Variants in AGXT observed in about 807,000 individuals in gnomAD.
The protein encoded by AGXT is L-alanine: glyoxylate aminotransferase 1.
A neutral mutation model predicts 46.9 loss-of-function variants in AGXT; 41 were observed. That is an observed-to-expected ratio of 0.88 (90% CI 0.68 to 1.14). The LOEUF (loss-of-function observed/expected upper bound fraction) is 1.14. Among genes scored for constraint, AGXT ranks in the 50% most tolerant of loss-of-function variants. The probability of loss-of-function intolerance (pLI) is 0.00; values close to 1 mark genes in which losing one functional copy is unlikely to be tolerated. For missense variants in AGXT, 525 were observed against 522.7 expected (o/e 1.00, Z -0.04); for synonymous variants, 244 against 227.9 (o/e 1.07, Z -0.64).
intron 3 of AGXT, 131 bp downstream of exon 3, chr2:240,870,839 C>T: frequency 1.2e-6 from 1 of 847,164 alleles, no homozygotes; most frequent in East Asian, 2.7e-5. Flanking sequence ...ACCCTCAGCC[C>T]ATCCTAGCAT....
In AGXT at chr2:240,878,676, G is replaced by A. The variant is rs1242430039; in HGVS notation, c.1072-38G>A. 3.3e-6 allele frequency: 5 copies of A among 1,531,270 alleles called. No individual in the cohort carries two copies. In the East Asian group the frequency reaches 7.3e-5, roughly 22 times the overall value. The allele number at this position is 1,531,270 out of a possible 1,614,324, so 94.9% of individuals were successfully genotyped here. On this transcript the variant is annotated intron_variant, in intron 10 of 10. Transcript: ENST00000307503. Reference sequence around the variant, plus strand: ...GTCGGTCAGGGTCAGGCAGGTCCCAGGCGGGAGGCTGACGTCAGCCCGCCC... The same window carrying A: ...GTCGGTCAGGGTCAGGCAGGTCCCAAGCGGGAGGCTGACGTCAGCCCGCCC...
At position 240,869,003 on chromosome 2, in the gene AGXT, C is replaced by G; in HGVS notation, c.138C>G (p.Ile46Met). The G allele has an allele frequency of 6.2e-7, 1 of 1,612,836 alleles. No homozygotes were observed. The highest frequency in any genetic ancestry group is 1.3e-5 in the African/African-American group (1 of 75,044). Residue 46 changes from isoleucine (I) to methionine (M), a missense_variant, in exon 1 of 11, where the codon ATC becomes ATG. By Grantham distance (10) the Ile-to-Met change is conservative. Transcript: ENST00000307503. Reference sequence around the variant, plus strand: ...TGGCAGCCGGGGGGCTGCAGATGATCGGGTCCATGAGCAAGGATATGTACC... The same window carrying G: ...TGGCAGCCGGGGGGCTGCAGATGATGGGGTCCATGAGCAAGGATATGTACC... ...RIMAAGGLQM[I>M]GSMSKDMYQI...
intron 4 of AGXT, among the ~76,000 whole-genome samples, chr2:240,872,296 A>C (rs143260513): frequency 2.0e-4 from 13 of 66,644 alleles, no homozygotes; most frequent in South Asian, 7.9e-4. Context: ...AACATGCAGG[A>C]GGAGGAGGGT....
At chr2:240,878,679 G>A (rs113365313) in intron 10 of AGXT, 35 bp from the exon 11 acceptor site, 34 of 1,533,470 alleles carry the variant, frequency 2.2e-5, no homozygotes, top group Middle Eastern at 2.0e-4. Context: ...GGTCCCAGGC[G>A]GGAGGCTGAC....
chr2:240,877,891 G>A, intron 9 of AGXT, 131 bp from the exon 10 acceptor site: 3 of 1,323,222 alleles, frequency 2.3e-6, no homozygotes, highest in Non-Finnish European at 3.1e-6. Context: ...TGGGGTCCCT[G>A]CTCTCTCCCG....
intron 5 of AGXT, chr2:240,873,554 T>C: frequency 3.5e-6 from 1 of 286,804 alleles, no homozygotes. Flanking sequence ...GCCTGCACAT[T>C]GCATCCACTG....
At chr2:240,873,381 C>A in intron 5 of AGXT, 1 of 343,334 alleles carries the variant, frequency 2.9e-6, no homozygotes, top group Non-Finnish European at 5.5e-6. Context: ...CGTTGGGCAC[C>A]CCTCTGCCCA....
rs757583201 is a variant in AGXT, at chr2:240,871,408, C to T, written c.483C>T (p.Gly161=). ...TAACCCACGGGGAGTCGTCCACCGG[C>T]GTGCTGCAGCCCCTTGATGGCTTCG... ...LFLTHGESST[G]VLQPLDGFGE... is the part of the protein sequence containing the mutation. Residue 161 remains glycine (G), a synonymous_variant, in exon 4 of 11, where the codon GGC becomes GGT. Transcript: ENST00000307503. 18 of 1,600,156 alleles carry T rather than the reference C, an allele frequency of 1.1e-5. No individual in the cohort carries two copies. The highest frequency in any genetic ancestry group is 1.7e-5 in the Admixed American group (1 of 58,384).
chr2:240,872,952 C>T, intron 4 of AGXT, 27 bp from the exon 5 acceptor site: 2 of 1,608,658 alleles, frequency 1.2e-6, no homozygotes, highest in Non-Finnish European at 1.7e-6. Flanking sequence ...CACCTGCTGC[C>T]CTCCATTCTG....
intron 8 of AGXT, among the ~76,000 whole-genome samples, chr2:240,876,230 G>A (rs1241865312): frequency 1.3e-5 from 2 of 152,032 alleles, no homozygotes; most frequent in Non-Finnish European, 2.9e-5. Context: ...GGGCAGGTGT[G>A]GATGCTCCCA....
intron 4 of AGXT, among the ~76,000 whole-genome samples, chr2:240,872,344 T>G: frequency 5.9e-5 from 7 of 119,544 alleles, no homozygotes; most frequent in African/African-American, 1.4e-4. Context: ...AGGGTGAGAG[T>G]TCGTGAACAT....
chr2:240,879,019 T>C lies in AGXT; in HGVS notation c.*198T>C. ...CTCCAGTGGCACCTCCTGGAAACAG[T>C]CCACTTGGGCGCAAAACCCAGTGCC... On this transcript the variant is annotated 3_prime_UTR_variant, in exon 11 of 11. Coordinates refer to ENST00000307503, the MANE Select transcript of AGXT (RefSeq NM_000030.3). 2 of 621,782 alleles carry C rather than the reference T, an allele frequency of 3.2e-6. No individual in the cohort carries two copies. Among genetic ancestry groups the C allele is most frequent in the South Asian group, 3.8e-5 (2 of 52,794 alleles). The allele number at this position is 621,782 out of a possible 1,614,324, so 38.5% of individuals were successfully genotyped here.
rs1171930056 is a variant in AGXT at position 240,872,980 on chromosome 2, T to A, written c.526T>A (p.Tyr176Asn). Residue 176 changes from tyrosine to asparagine, a missense_variant and splice_region_variant, in exon 5 of 11, where the codon TAC becomes AAC. By Grantham distance (143) the Tyr-to-Asn change is moderately radical (BLOSUM62 -2). Coordinates refer to ENST00000307503, the MANE Select transcript of AGXT (RefSeq NM_000030.3). ...LDGFGELCHR[Y>N]KCLLLVDSVA... ...CCATTCTGTCCCCCACCTCTCCAGG[T>A]ACAAGTGCCTGCTCCTGGTGGATTC... The A allele has an allele frequency of 5.0e-6, 8 of 1,613,640 alleles. No homozygotes were observed. The highest frequency in any genetic ancestry group is 6.8e-6 in the Non-Finnish European group (8 of 1,179,800).
Position 240,870,719 on chromosome 2 carries a change from C to G in AGXT, c.423+11C>G, listed in dbSNP as rs1004510369. ...CAGGAGGTGGAGGAGGTAGGGGACC[C>G]GGGGTGGGGGTCAGGGCCGGGAGGA... On this transcript the variant is annotated intron_variant, in intron 3 of 10. Coordinates refer to ENST00000307503, the MANE Select transcript of AGXT (RefSeq NM_000030.3). 10 of 1,546,206 alleles carry G rather than the reference C, an allele frequency of 6.5e-6. No individual in the cohort carries two copies. Among genetic ancestry groups the G allele is most frequent in the Non-Finnish European group, 7.9e-6 (9 of 1,145,308 alleles).
chr2:240,875,305 C>T (rs2059018280), intron 7 of AGXT, 101 bp downstream of exon 7: 1 of 1,022,624 alleles, frequency 9.8e-7, no homozygotes, highest in East Asian at 2.5e-5. Context: ...AGCCCCCCAC[C>T]TTCATGCCTC....
At chr2:240,878,237 G>T in intron 10 of AGXT, 87 bp downstream of exon 10, 1 of 1,567,456 alleles carries the variant, frequency 6.4e-7, no homozygotes, top group Non-Finnish European at 8.6e-7. Context: ...TGCAGGGGAG[G>T]CCGGGGTCAT....
intron 7 of AGXT, 58 bp from the exon 8 acceptor site, chr2:240,875,877 C>T: frequency 1.3e-6 from 2 of 1,558,322 alleles, no homozygotes; most frequent in Non-Finnish European, 1.8e-6. Flanking sequence ...AGAGCTAATG[C>T]CCCATCTGCC....
At chr2:240,869,827 G>A (rs755175514) in intron 2 of AGXT, among the ~76,000 whole-genome samples, 6 of 152,198 alleles carry the variant, frequency 3.9e-5, no homozygotes, top group Non-Finnish European at 4.4e-5. Context: ...ATTCGCCTCC[G>A]GAGTACACTT....
chr2:240,873,854 G>A (rs1057370872), intron 5 of AGXT, 124 bp from the exon 6 acceptor site: 3 of 880,692 alleles, frequency 3.4e-6, no homozygotes, highest in Admixed American at 1.8e-5. Context: ...CATCTCCCCT[G>A]CTATCGTGTA....
Sources: gnomAD v4.1 joint callset for allele counts (sites outside exome capture counted in the v4.1 genomes callset) on GRCh38, gnomAD v4.1.1 for gene constraint, MANE v1.5 for transcripts, NCBI Gene and HGNC (gene_info 2026-07-23, HGNC 2026-07-21) for gene names.